THSD4: variants seen among roughly 807,000 people sequenced by gnomAD.
THSD4 encodes the protein thrombospondin type-1 domain-containing protein 4.
In THSD4, 69 loss-of-function variants were observed where a neutral mutation model predicts 119.0. The observed-to-expected ratio is 0.58, with a 90% CI of 0.48 to 0.71. The LOEUF is 0.71. Ranked by LOEUF, THSD4 falls within the 30% of genes least tolerant of loss-of-function variation. The pLI is 0.00. For synonymous variants in THSD4, 524 were observed against 540.4 expected (o/e 0.97, Z 0.42); for missense variants, 1,393 against 1,391.1 (o/e 1.00, Z -0.02).
intron 7 of THSD4, among the ~76,000 whole-genome samples, chr15:71,632,457 A>G (rs1449502326): frequency 6.6e-6 from 1 of 152,260 alleles, no homozygotes; most frequent in Non-Finnish European, 1.5e-5. Context: ...GCTGAAAGCC[A>G]AAAGCCCTAT....
At chr15:71,373,688 A>G (rs779335264) in intron 6 of THSD4, among the ~76,000 whole-genome samples, 6 of 152,136 alleles carry the variant, frequency 3.9e-5, no homozygotes, top group Non-Finnish European at 7.3e-5. Flanking sequence ...TCCTGTCCAA[A>G]TTGCCTCTCC....
At chr15:71,712,798 T>G (rs1354814504) in intron 8 of THSD4, among the ~76,000 whole-genome samples, 1 of 152,168 alleles carries the variant, frequency 6.6e-6, no homozygotes, top group Non-Finnish European at 1.5e-5. Context: ...TAATCTCAAA[T>G]GCATTATGCT....
rs779207517 is a variant in THSD4 at position 71,277,128 on chromosome 15, C to CTTTTTTTTTTTTTTTT, written c.1015+20427_1015+20428insTTTTTTTTTTTTTTTT. Among the ~76,000 whole-genome samples the CTTTTTTTTTTTTTTTT allele has an allele frequency of 9.9e-3, 1,215 of 122,668 alleles. 150 individuals carry two copies. Among genetic ancestry groups the CTTTTTTTTTTTTTTTT allele is most frequent in the African/African-American group, 0.035 (1,029 of 29,500 alleles). The allele number at this position is 122,668 out of a possible 152,430, so 80.5% of individuals were successfully genotyped here. A position where few individuals can be genotyped will look rare whatever the true frequency, so the allele number is the denominator to read the frequency against. ...TATTTGTATTTGAATTCTTCTTCTT[C>CTTTTTTTTTTTTTTTT]TTTTTTTTTTTTTTGAAACGGAGTT... On this transcript the variant is annotated intron_variant, in intron 6 of 17. Coordinates refer to ENST00000261862, the MANE Select transcript of THSD4 (RefSeq NM_024817.3).
At chr15:71,556,526 G>C (rs1454177033) in intron 7 of THSD4, among the ~76,000 whole-genome samples, 2 of 152,064 alleles carry the variant, frequency 1.3e-5, no homozygotes, top group African/African-American at 4.8e-5. Flanking sequence ...GAGGCAGGCA[G>C]ATCACGTGAG....
At chr15:71,341,829 TA>T (rs1170678347) in intron 6 of THSD4, 2 of 692,556 alleles carry the variant, frequency 2.9e-6, no homozygotes, top group Non-Finnish European at 2.6e-6. Flanking sequence ...TCATTTGGTT[TA>T]TTTCCACCTA....
At chr15:71,574,010 G>A (rs1430319266) in intron 7 of THSD4, among the ~76,000 whole-genome samples, 1 of 152,186 alleles carries the variant, frequency 6.6e-6, no homozygotes, top group Non-Finnish European at 1.5e-5. Flanking sequence ...GTTCAGATGG[G>A]TATTGACTGA....
intron 10 of THSD4, among the ~76,000 whole-genome samples, chr15:71,736,211 G>T (rs1247923730): frequency 1.6e-5 from 2 of 122,644 alleles, no homozygotes; most frequent in South Asian, 2.8e-4. Flanking sequence ...CTGTCTCTCT[G>T]TTGCTGTCTC....
At chr15:71,685,572 C>T (rs2051890577) in intron 8 of THSD4, among the ~76,000 whole-genome samples, 2 of 152,076 alleles carry the variant, frequency 1.3e-5, no homozygotes, top group Admixed American at 1.3e-4. Flanking sequence ...TAATAGAAGA[C>T]AGCTGGATTC....
chr15:71,426,125 A>G (rs2046863581), intron 7 of THSD4, among the ~76,000 whole-genome samples: 1 of 152,162 alleles, frequency 6.6e-6, no homozygotes, highest in African/African-American at 2.4e-5. Flanking sequence ...TCATCGCCCC[A>G]CTGTAGGGCG....
At chr15:71,454,301 C>T (rs1489919098) in intron 7 of THSD4, among the ~76,000 whole-genome samples, 1 of 152,234 alleles carries the variant, frequency 6.6e-6, no homozygotes, top group African/African-American at 2.4e-5. Context: ...TCCTCTCTTG[C>T]ACCTCTAGGA....
At chr15:71,401,343 T>C (rs2046529575) in intron 6 of THSD4, among the ~76,000 whole-genome samples, 1 of 152,214 alleles carries the variant, frequency 6.6e-6, no homozygotes, top group Non-Finnish European at 1.5e-5. Context: ...ATTTTGTTTC[T>C]AAGAACCTGA....
chr15:71,435,167 T>C (rs2046995752), intron 7 of THSD4, among the ~76,000 whole-genome samples: 1 of 152,198 alleles, frequency 6.6e-6, no homozygotes, highest in African/African-American at 2.4e-5. Context: ...GTTTCATTTT[T>C]TTTTTCTTCT....
At chr15:71,314,697 C>T (rs1455183810) in intron 6 of THSD4, among the ~76,000 whole-genome samples, 2 of 152,180 alleles carry the variant, frequency 1.3e-5, no homozygotes, top group Non-Finnish European at 2.9e-5. Flanking sequence ...ATTTGTATCA[C>T]AAAGTTGTGA....
At chr15:71,486,615 T>TG (rs1386712924) in intron 7 of THSD4, among the ~76,000 whole-genome samples, 1 of 48,332 alleles carries the variant, frequency 2.1e-5, no homozygotes, top group Non-Finnish European at 6.5e-5. Flanking sequence ...TTTTCTGTTT[T>TG]TTTTTTTTTT....
intron 7 of THSD4, among the ~76,000 whole-genome samples, chr15:71,651,042 G>A (rs1480591267): frequency 2.0e-5 from 3 of 152,256 alleles, no homozygotes; most frequent in Non-Finnish European, 2.9e-5. Context: ...AACTAAATTC[G>A]ATGAATGAAT....
At chr15:71,576,994 T>G (rs1239151769) in intron 7 of THSD4, among the ~76,000 whole-genome samples, 1 of 151,852 alleles carries the variant, frequency 6.6e-6, no homozygotes, top group Non-Finnish European at 1.5e-5. Context: ...TTTAAATAAA[T>G]AGAATGTTTT....
rs538325392 is a variant in THSD4, at chr15:71,743,164, G to A, written c.1907-1942G>A. On this transcript the variant is annotated intron_variant, in intron 11 of 17. Coordinates refer to ENST00000261862, the MANE Select transcript of THSD4 (RefSeq NM_024817.3). ...TGGACCATGGACAATGTCCATAAACGCCGTAAAATGTCAAGGGAAGACAAG... is the reference window on the plus strand; with the variant it reads ...TGGACCATGGACAATGTCCATAAACACCGTAAAATGTCAAGGGAAGACAAG... Among the ~76,000 whole-genome samples, 12 of 152,178 alleles carry A rather than the reference G, an allele frequency of 7.9e-5. No homozygotes were observed. In the South Asian group the frequency reaches 2.1e-3, roughly 26 times the overall value.
chr15:71,225,929 A>C (rs1420587246), intron 4 of THSD4, among the ~76,000 whole-genome samples: 1 of 151,990 alleles, frequency 6.6e-6, no homozygotes, highest in Non-Finnish European at 1.5e-5. Flanking sequence ...CCCTCCATTC[A>C]GACTTCTGTC....
chr15:71,295,039 C>A (rs1055914030), intron 6 of THSD4, among the ~76,000 whole-genome samples: 1 of 151,692 alleles, frequency 6.6e-6, no homozygotes, highest in African/African-American at 2.4e-5. Context: ...GTGGCGCTTG[C>A]GTCAGGGAAT....
Sources: gnomAD v4.1 joint callset for allele counts (sites outside exome capture counted in the v4.1 genomes callset) on GRCh38, gnomAD v4.1.1 for gene constraint, MANE v1.5 for transcripts, NCBI Gene and HGNC (gene_info 2026-07-23, HGNC 2026-07-21) for gene names.